SEC16B: variants seen among roughly 807,000 people sequenced by gnomAD.
SEC16B encodes the protein protein transport protein Sec16B.
A neutral mutation model predicts 141.8 loss-of-function variants in SEC16B; 115 were observed. That is an observed-to-expected ratio of 0.81 (90% CI 0.70 to 0.95). The LOEUF is 0.95. SEC16B is among the 40% of genes least tolerant of loss of function. SEC16B has a pLI of 0.00. For synonymous variants in SEC16B, 493 were observed against 492.5 expected (o/e 1.00, Z -0.01); for missense variants, 1,291 against 1,312.3 (o/e 0.98, Z 0.25).
chr1:177,945,641 A>G (rs1159186174), intron 14 of SEC16B: 1 of 152,242 alleles, frequency 6.6e-6, no homozygotes, highest in Non-Finnish European at 1.5e-5. Flanking sequence ...AAGTTATTTC[A>G]TCTCCCTGTG....
chr1:177,944,260 G>A (rs1651500088), intron 15 of SEC16B, among the ~76,000 whole-genome samples: 1 of 152,218 alleles, frequency 6.6e-6, no homozygotes, highest in South Asian at 2.1e-4. Flanking sequence ...GAGATGGGGA[G>A]AAGGAGCTGA....
chr1:177,956,908 A>T (rs1313150281), intron 10 of SEC16B, among the ~76,000 whole-genome samples: 1 of 152,202 alleles, frequency 6.6e-6, no homozygotes, highest in African/African-American at 2.4e-5. Flanking sequence ...CATTTGAGGT[A>T]GGCTAGGCTA....
intron 16 of SEC16B, among the ~76,000 whole-genome samples, chr1:177,941,256 G>C (rs1170418564): frequency 2.0e-5 from 3 of 152,124 alleles, no homozygotes; most frequent in Non-Finnish European, 2.9e-5. Context: ...TCAACCTGTT[G>C]GCAGAAACTT....
chr1:177,974,656 A>G (rs1654098130), upstream of SEC16B, among the ~76,000 whole-genome samples: 1 of 152,236 alleles, frequency 6.6e-6, no homozygotes, highest in Admixed American at 6.5e-5. Context: ...GGGATTAGAC[A>G]TAGAAATCAC....
In SEC16B at chr1:177,967,925, G is replaced by T; in HGVS notation, c.57C>A (p.Pro19=). 6.2e-7 allele frequency: 1 copy of T among 1,613,868 alleles called. No individual in the cohort carries two copies. The highest frequency in any genetic ancestry group is 1.1e-5 in the South Asian group (1 of 91,068). The change falls in exon 2 of 26, where the codon CCC becomes CCA. Residue 19 remains proline, a synonymous_variant. Coordinates refer to ENST00000308284, the MANE Select transcript of SEC16B (RefSeq NM_033127.4). ...LPQTRGKATA[P]SKDPDRGFRR... is the part of the protein sequence containing the mutation. ...GAAACCCTCGGTCTGGATCCTTTGA[G>T]GGTGCTGTGGCCTTCCCTCGTGTCT...
In SEC16B at chr1:177,937,328, G is replaced by A; in HGVS notation, c.2389C>T (p.Pro797Ser). 1 of 1,613,790 alleles carries A rather than the reference G, an allele frequency of 6.2e-7. No individual in the cohort carries two copies. Among genetic ancestry groups the A allele is most frequent in the Non-Finnish European group, 8.5e-7 (1 of 1,179,870 alleles). ...GGAGQTGTPR[P>S]FYSVPETHLP... The stretch of plus-strand genomic sequence containing the variant: ...TGGGTCTCAGGAACTGAGTAAAAAG[G>A]CCTCGGTGTCCCTGTCTGCCCTGCA... Residue 797 changes from proline (P) to serine (S), a missense_variant, in exon 19 of 26, where the codon CCT becomes TCT. Pro to Ser is a moderately conservative substitution (Grantham distance 74). Around this residue, in one of 3 missense-constraint regions of SEC16B, gnomAD observed 605 missense variants for 614.1 expected, o/e 0.99. Transcript: ENST00000308284.
intron 25 of SEC16B, 146 bp from the exon 26 acceptor site, chr1:177,930,075 A>T: frequency 2.8e-6 from 2 of 724,548 alleles, no homozygotes; most frequent in Non-Finnish European, 4.5e-6. Flanking sequence ...CCTCCACCCA[A>T]CCCTTCACCT....
rs181152951 is a variant in SEC16B at position 177,960,731 on chromosome 1, T to C, written c.936+60A>G. On this transcript the variant is annotated intron_variant, in intron 7 of 25. Transcript: ENST00000308284. ...CAGGCACAGGAAAGCAAGGTAAGCATGTTAGGAGTAGTTGGGTAAGCAGTG... is the reference window on the plus strand; with the variant it reads ...CAGGCACAGGAAAGCAAGGTAAGCACGTTAGGAGTAGTTGGGTAAGCAGTG... The C allele has an allele frequency of 1.1e-4, 164 of 1,504,734 alleles. 1 individual carries two copies. The African/African-American group carries it at 2.0e-3, about 18-fold the overall frequency. The allele number at this position is 1,504,734 out of a possible 1,614,324, so 93.2% of individuals were successfully genotyped here. A position where few individuals can be genotyped will look rare whatever the true frequency, so the allele number is the denominator to read the frequency against.
chr1:177,958,972 T>C lies in SEC16B; in HGVS notation c.1002A>G (p.Glu334=). ...TCATAATATCCACCTTATGTACATCTTCCCTACATGGAAAAAATTTAGGGA... is the reference window on the plus strand; with the variant it reads ...TCATAATATCCACCTTATGTACATCCTCCCTACATGGAAAAAATTTAGGGA... ...MRSFSGPLIR[E]DVHKVDIMTF... The change falls in exon 9 of 26, where the codon GAA becomes GAG. Residue 334 remains glutamate, a synonymous_variant. Coordinates refer to ENST00000308284, the MANE Select transcript of SEC16B (RefSeq NM_033127.4). 5 of 1,612,538 alleles carry C rather than the reference T, an allele frequency of 3.1e-6. No homozygotes were observed. The highest frequency in any genetic ancestry group is 3.4e-6 in the Non-Finnish European group (4 of 1,179,334).
intron 2 of SEC16B, among the ~76,000 whole-genome samples, chr1:177,966,493 C>T (rs1323369605): frequency 2.0e-5 from 3 of 152,130 alleles, no homozygotes; most frequent in East Asian, 1.9e-4. Context: ...GTCCTGAACA[C>T]GCCTCTCTTT....
chr1:177,948,694 G>A, intron 12 of SEC16B: 3 of 1,243,124 alleles, frequency 2.4e-6, no homozygotes, highest in Non-Finnish European at 3.1e-6. Context: ...ACAATATAAT[G>A]TCATGGAAAC....
At chr1:177,956,882 G>A (rs1386323807) in intron 10 of SEC16B, among the ~76,000 whole-genome samples, 1 of 152,102 alleles carries the variant, frequency 6.6e-6, no homozygotes, top group African/African-American at 2.4e-5. Context: ...GTGGGTTATG[G>A]TAAACATTCT....
rs758940691 is a variant in SEC16B at position 177,937,318 on chromosome 1, G to A, written c.2399C>T (p.Ser800Leu). Reference protein sequence around the residue: ...GQTGTPRPFYSVPETHLPGTG... With the variant: ...GQTGTPRPFYLVPETHLPGTG... ...CCCTGGTAGATGGGTCTCAGGAACT[G>A]AGTAAAAAGGCCTCGGTGTCCCTGT... Residue 800 changes from serine to leucine, a missense_variant, in exon 19 of 26, where the codon TCA (serine) becomes TTA (leucine). By Grantham distance (145) the Ser-to-Leu change is moderately radical. This residue lies in a region of SEC16B where 605 missense variants were observed against 614.1 expected (regional missense o/e 0.99). Coordinates refer to ENST00000308284, the MANE Select transcript of SEC16B (RefSeq NM_033127.4). 16 of 1,613,848 alleles carry A rather than the reference G, an allele frequency of 9.9e-6. No individual in the cohort carries two copies. The highest frequency in any genetic ancestry group is 1.4e-5 in the Non-Finnish European group (16 of 1,179,860).
Position 177,960,803 on chromosome 1 carries a change from C to A in SEC16B, c.924G>T (p.Leu308=). Residue 308 remains leucine (L), a synonymous_variant, in exon 7 of 26, where the codon CTG becomes CTT. Coordinates refer to ENST00000308284, the MANE Select transcript of SEC16B (RefSeq NM_033127.4). The stretch of plus-strand genomic sequence containing the variant: ...GGGTCTTCTTTACCTCCATGCTGTG[C>A]AGTTCAACAAGGGCTGCTTGCCCGT... ...PTDGQAALVE[L]HSMEVILNDS... 6.2e-7 allele frequency: 1 copy of A among 1,605,064 alleles called. No individual in the cohort carries two copies. The highest frequency in any genetic ancestry group is 8.5e-7 in the Non-Finnish European group (1 of 1,174,606).
intron 19 of SEC16B, among the ~76,000 whole-genome samples, chr1:177,936,946 G>C (rs568880749): frequency 2.6e-5 from 4 of 152,270 alleles, no homozygotes; most frequent in African/African-American, 9.6e-5. Context: ...GTAATCATTT[G>C]GATGGCAGGA....
chr1:177,935,006 C>T (rs78966678), intron 20 of SEC16B, among the ~76,000 whole-genome samples: 50 of 152,186 alleles, frequency 3.3e-4, no homozygotes, highest in Admixed American at 7.8e-4. Context: ...GGCACAGTGG[C>T]TCCCTTGCTC....
chr1:177,968,130 G>T, intron 1 of SEC16B, 91 bp from the exon 2 acceptor site: 3 of 719,440 alleles, frequency 4.2e-6, no homozygotes, highest in Non-Finnish European at 6.5e-6. Context: ...AGCAGCTATG[G>T]TCCTCGAAAT....
At position 177,960,804 on chromosome 1, in the gene SEC16B, A is replaced by C; in HGVS notation, c.923T>G (p.Leu308Arg). ...GGTCTTCTTTACCTCCATGCTGTGC[A>C]GTTCAACAAGGGCTGCTTGCCCGTC... ...PTDGQAALVE[L>R]HSMEVILNDS... The change falls in exon 7 of 26, where the codon CTG (leucine) becomes CGG (arginine). Residue 308 changes from leucine to arginine, a missense_variant. By Grantham distance (102) the Leu-to-Arg change is moderately radical. This residue lies in a region of SEC16B where 681 missense variants were observed against 675.5 expected (regional missense o/e 1.01). Transcript: ENST00000308284. 7 of 1,605,472 alleles carry C rather than the reference A, an allele frequency of 4.4e-6. No individual in the cohort carries two copies. Among genetic ancestry groups the C allele is most frequent in the Non-Finnish European group, 6.0e-6 (7 of 1,174,814 alleles).
chr1:177,949,816 G>A (rs759565574), intron 12 of SEC16B, among the ~76,000 whole-genome samples: 14 of 152,120 alleles, frequency 9.2e-5, no homozygotes, highest in Non-Finnish European at 1.8e-4. Flanking sequence ...ACATGGAACT[G>A]AAGTCCAGCC....
Sources: allele counts gnomAD v4.1 joint callset (sites outside exome capture counted in the v4.1 genomes callset), GRCh38; gene constraint gnomAD v4.1.1; regional missense constraint gnomAD v4.1.1; transcripts MANE v1.5; gene names NCBI Gene and HGNC (gene_info 2026-07-23, HGNC 2026-07-21).